Variants in ARID1B observed in about 807,000 individuals in gnomAD.
ARID1B encodes the protein AT-rich interaction domain 1B.
ARID1B carries 30 observed loss-of-function variants against 212.3 expected under a neutral mutation model. That is an observed-to-expected ratio of 0.14 (90% CI 0.11 to 0.19). The LOEUF (loss-of-function observed/expected upper bound fraction) is 0.19, where lower values mean the gene tolerates loss of function less well. ARID1B is among the 10% of genes least tolerant of loss of function. The pLI is 1.00. For missense variants in ARID1B, 2,891 were observed against 3,204.0 expected (o/e 0.90, Z 2.36); for synonymous variants, 1,402 against 1,301.7 (o/e 1.08, Z -1.66).
chr6:157,087,803 GA>G (rs11390752), intron 5 of ARID1B, among the ~76,000 whole-genome samples: 2,237 of 146,332 alleles, frequency 0.015, 74 homozygotes, highest in East Asian at 0.11. Context: ...TTTTCTTCTA[GA>G]AAAAAAAAAA....
At chr6:157,004,920 T>G (rs1440305748) in intron 4 of ARID1B, among the ~76,000 whole-genome samples, 2,887 of 131,862 alleles carry the variant, frequency 0.022, 226 homozygotes, top group African/African-American at 0.079. Context: ...TTTTTTTTTT[T>G]TTTTTTTTTT....
Position 157,138,733 on chromosome 6 carries a change from A to C in ARID1B, c.2761+5526A>C, listed in dbSNP as rs566720326. 4.6e-5 allele frequency among the ~76,000 whole-genome samples: 7 copies of C among 152,278 alleles called. No individual in the cohort carries two copies. In the South Asian group the frequency reaches 1.5e-3, roughly 32 times the overall value. ...GTGTGCTCATTTTATTGTTTTCTTC[A>C]AACAGGTTGATGCACTTGATAAGGC... is the stretch of plus-strand genomic sequence containing the variant. On this transcript the variant is annotated intron_variant, in intron 7 of 19. Transcript: ENST00000636930.
chr6:157,116,449 A>G (rs1374729493), intron 6 of ARID1B, among the ~76,000 whole-genome samples: 1 of 150,124 alleles, frequency 6.7e-6, no homozygotes, highest in Non-Finnish European at 1.5e-5. Flanking sequence ...CTGGATTCCC[A>G]AAATCAACAC....
chr6:156,953,884 T>C (rs755021129), intron 4 of ARID1B, among the ~76,000 whole-genome samples: 14 of 152,206 alleles, frequency 9.2e-5, no homozygotes, highest in Admixed American at 2.0e-4. Context: ...ACTATCCCCT[T>C]TTAGTAAATG....
At chr6:156,862,456 C>T (rs1425665122) in intron 2 of ARID1B, among the ~76,000 whole-genome samples, 1 of 152,064 alleles carries the variant, frequency 6.6e-6, no homozygotes, top group Admixed American at 6.6e-5. Context: ...CGAAAGAGGG[C>T]ACAGTGAGAA....
At chr6:157,191,837 C>A (rs1793399088) in intron 15 of ARID1B, among the ~76,000 whole-genome samples, 1 of 151,980 alleles carries the variant, frequency 6.6e-6, no homozygotes, top group African/African-American at 2.4e-5. Context: ...AATAATAGTA[C>A]CTGTGTTGGG....
At chr6:157,048,760 G>A (rs901042089) in intron 4 of ARID1B, among the ~76,000 whole-genome samples, 13 of 152,288 alleles carry the variant, frequency 8.5e-5, no homozygotes, top group East Asian at 3.9e-4. Context: ...TCTTGATTAC[G>A]ATGGAATCAC....
At position 157,207,085 on chromosome 6, in the gene ARID1B, C is replaced by T. The variant is rs772582709; in HGVS notation, c.6313C>T (p.His2105Tyr). 3 of 1,614,210 alleles carry T rather than the reference C, an allele frequency of 1.9e-6. No homozygotes were observed. The change falls in exon 20 of 20, where the codon CAC becomes TAC. Residue 2105 changes from histidine to tyrosine, a missense_variant. Physicochemically the swap from His to Tyr is moderately conservative, Grantham distance 83 (BLOSUM62 2). Transcript: ENST00000636930. This position sits in a 1 kb window ranked among gnomAD's most constrained non-coding sequence, Gnocchi z 8.5. Reference sequence around the variant, plus strand: ...GATCCTGGGGAAGCTGATTCTTCTTCACCACGAGCATCCAGAGAGAAAGCG... The same window carrying T: ...GATCCTGGGGAAGCTGATTCTTCTTTACCACGAGCATCCAGAGAGAAAGCG... ...VLILGKLILL[H>Y]HEHPERKRAP...
chr6:157,095,454 T>C (rs2356199), intron 5 of ARID1B, among the ~76,000 whole-genome samples: 1 of 152,022 alleles, frequency 6.6e-6, no homozygotes, highest in East Asian at 1.9e-4. Context: ...GTAGAGACTG[T>C]GAAAAAGAAA....
chr6:157,046,621 C>G lies in ARID1B; in HGVS notation c.2248-38041C>G, dbSNP rs1346880766. ...TTTGTTAGTCTTCCATTTCTTCTTG[C>G]TGATGTTTCCTAGACTAAGATATTC... On this transcript the variant is annotated intron_variant, in intron 4 of 19. Coordinates refer to ENST00000636930, the MANE Select transcript of ARID1B (RefSeq NM_001374828.1). Among the ~76,000 whole-genome samples the G allele has an allele frequency of 2.0e-5, 3 of 152,164 alleles. No individual in the cohort carries two copies. The East Asian group carries it at 5.8e-4, about 29-fold the overall frequency.
intron 8 of ARID1B, among the ~76,000 whole-genome samples, chr6:157,154,568 GTTT>G (rs770934447): frequency 5.9e-5 from 7 of 118,508 alleles, no homozygotes; most frequent in African/African-American, 1.9e-4. Context: ...CTGCTCTTCT[GTTT>G]TTTTTTTTGT....
chr6:156,818,079 T>A (rs983437643), intron 1 of ARID1B, among the ~76,000 whole-genome samples: 1 of 151,700 alleles, frequency 6.6e-6, no homozygotes, highest in South Asian at 2.1e-4. Context: ...GGCCTTTATA[T>A]GTTGAATTTA....
At chr6:157,104,127 G>A (rs984231714) in intron 5 of ARID1B, among the ~76,000 whole-genome samples, 3 of 152,140 alleles carry the variant, frequency 2.0e-5, no homozygotes, top group Non-Finnish European at 2.9e-5. Context: ...AAGCCACCAC[G>A]CCCGGCCTAA....
chr6:157,022,252 C>T (rs1780360746), intron 4 of ARID1B: 1 of 152,360 alleles, frequency 6.6e-6, no homozygotes, highest in African/African-American at 2.4e-5. Flanking sequence ...CGCACCGAGG[C>T]TGGGCGGCTT....
Position 156,866,802 on chromosome 6 carries a change from A to G in ARID1B, c.1987-34574A>G, listed in dbSNP as rs189157840. 5.9e-5 allele frequency among the ~76,000 whole-genome samples: 9 copies of G among 152,338 alleles called. No homozygotes were observed. In the East Asian group the frequency reaches 1.5e-3, roughly 26 times the overall value. Reference sequence around the variant, plus strand: ...ATAAACAGAATTGTCACAGACATTAAAATGTAATTAACAGCTACAAGAACT... The same window carrying G: ...ATAAACAGAATTGTCACAGACATTAGAATGTAATTAACAGCTACAAGAACT... On this transcript the variant is annotated intron_variant, in intron 2 of 19. Coordinates refer to ENST00000636930, the MANE Select transcript of ARID1B (RefSeq NM_001374828.1).
chr6:157,182,993 A>T (rs911315444), intron 12 of ARID1B, among the ~76,000 whole-genome samples: 2 of 152,020 alleles, frequency 1.3e-5, no homozygotes, highest in East Asian at 1.9e-4. Context: ...CCTTACTGTG[A>T]CTGTGTCCAC....
At chr6:156,861,042 C>T (rs962043572) in intron 2 of ARID1B, among the ~76,000 whole-genome samples, 2 of 152,164 alleles carry the variant, frequency 1.3e-5, no homozygotes, top group Admixed American at 6.5e-5. Context: ...CTGTCAGCCA[C>T]CTTGTACACT....
At chr6:156,865,519 G>A (rs1785621859) in intron 2 of ARID1B, among the ~76,000 whole-genome samples, 1 of 151,954 alleles carries the variant, frequency 6.6e-6, no homozygotes, top group Non-Finnish European at 1.5e-5. Context: ...CCTTCTTTTG[G>A]TCTTTAGTTT....
chr6:157,113,596 A>T (rs1407801790), intron 6 of ARID1B, among the ~76,000 whole-genome samples: 2 of 152,196 alleles, frequency 1.3e-5, no homozygotes, highest in Non-Finnish European at 2.9e-5. Flanking sequence ...ATGAGGTAGC[A>T]CTAGGGGGAC....
Sources: gnomAD v4.1 joint callset for allele counts (sites outside exome capture counted in the v4.1 genomes callset) on GRCh38, gnomAD v4.1.1 for gene constraint, Gnocchi (gnomAD v3.1) non-coding constraint, MANE v1.5 for transcripts, NCBI Gene and HGNC (gene_info 2026-07-23, HGNC 2026-07-21) for gene names.